ABHD6: variants seen among roughly 807,000 people sequenced by gnomAD.
ABHD6 encodes the protein monoacylglycerol lipase ABHD6.
In ABHD6, 33 loss-of-function variants were observed where a neutral mutation model predicts 38.8. The ratio of observed to expected loss-of-function variants is 0.85; its 90% confidence interval spans 0.64 to 1.14. The LOEUF (loss-of-function observed/expected upper bound fraction) is 1.14. Among genes scored for constraint, ABHD6 ranks in the 50% most tolerant of loss-of-function variants. The pLI is 0.00. For synonymous variants in ABHD6, 147 were observed against 161.6 expected, an observed-to-expected ratio of 0.91 and a Z score of 0.69; for missense variants, 380 against 422.6, an observed-to-expected ratio of 0.90 and a Z score of 0.88.
chr3:58,269,245 G>A lies in ABHD6; in HGVS notation c.277-76G>A. 8.9e-7 allele frequency: 1 copy of A among 1,118,384 alleles called. No homozygotes were observed. Among genetic ancestry groups the A allele is most frequent in the South Asian group, 1.3e-5 (1 of 75,096 alleles). The allele number at this position is 1,118,384 out of a possible 1,614,324, so 69.3% of individuals were successfully genotyped here. A position where few individuals can be genotyped will look rare whatever the true frequency, so the allele number is the denominator to read the frequency against. ...GATGGCTGTCTGGGTCACTGTACAT[G>A]GGGCAACCTCCCAAGAAAATGGGCA... On this transcript the variant is annotated intron_variant, in intron 4 of 9. Transcript: ENST00000478253. This position sits in a 1 kb window ranked among gnomAD's most constrained non-coding sequence, Gnocchi z 4.4.
At chr3:58,288,685 T>G (rs2097459281) in intron 9 of ABHD6, among the ~76,000 whole-genome samples, 2 of 152,192 alleles carry the variant, frequency 1.3e-5, no homozygotes, top group African/African-American at 4.8e-5. Flanking sequence ...AACACTGTAT[T>G]AGGCCCTGAG....
intron 9 of ABHD6, among the ~76,000 whole-genome samples, chr3:58,291,375 AGGGAGAGGGAGACCGTG>A (rs2097462816): frequency 6.6e-6 from 1 of 151,744 alleles, no homozygotes; most frequent in African/African-American, 2.4e-5. Context: ...CTGGAAAGAG[AGGGAGAGGGAGACCGTG>A]GGGAGAGGGA....
intron 7 of ABHD6, among the ~76,000 whole-genome samples, chr3:58,283,066 A>G (rs1554123): frequency 0.56 from 84,963 of 152,124 alleles, 26,358 homozygotes; most frequent in African/African-American, 0.84. Context: ...CCCTGCCTGG[A>G]GGTGGGCAGG....
rs1334570976 is a variant in ABHD6, at chr3:58,263,585, G to C, written c.120-3604G>C. ...TTCCAACCCTGTGTCTCTTCATTCTGGTTCAAGTCATACTTGGCTCTCCCC... is the reference window on the plus strand; with the variant it reads ...TTCCAACCCTGTGTCTCTTCATTCTCGTTCAAGTCATACTTGGCTCTCCCC... On this transcript the variant is annotated intron_variant, in intron 3 of 9. Transcript: ENST00000478253. The surrounding 1 kb of genome is among the most constrained non-coding windows in gnomAD (Gnocchi z 4.9). Among the ~76,000 whole-genome samples the C allele has an allele frequency of 6.6e-6, 1 of 152,180 alleles. No individual in the cohort carries two copies. The highest frequency in any genetic ancestry group is 2.4e-5 in the African/African-American group (1 of 41,424).
In ABHD6 at chr3:58,269,257, C is replaced by A; in HGVS notation, c.277-64C>A. ...GGTCACTGTACATGGGGCAACCTCC[C>A]AAGAAAATGGGCAGACATGTTTTGC... On this transcript the variant is annotated intron_variant, in intron 4 of 9. Transcript: ENST00000478253. This position sits in a 1 kb window ranked among gnomAD's most constrained non-coding sequence, Gnocchi z 4.4. 7.5e-7 allele frequency: 1 copy of A among 1,325,720 alleles called. No homozygotes were observed. Among genetic ancestry groups the A allele is most frequent in the Non-Finnish European group, 1.1e-6 (1 of 929,742 alleles). 82.1% of individuals were successfully genotyped at this position (1,325,720 alleles called of 1,614,324 possible). A position where few individuals can be genotyped will look rare whatever the true frequency, so the allele number is the denominator to read the frequency against.
chr3:58,276,753 A>T (rs1272522094), intron 7 of ABHD6, among the ~76,000 whole-genome samples: 1 of 152,192 alleles, frequency 6.6e-6, no homozygotes, highest in East Asian at 1.9e-4. Context: ...TTTAGGTCTA[A>T]CATTTAAGTC....
Position 58,269,223 on chromosome 3 carries a change from G to A in ABHD6, c.277-98G>A, listed in dbSNP as rs2097443068. ...CCAAGACCCATACATCCCCAGGGATGGCTGTCTGGGTCACTGTACATGGGG... is the reference window on the plus strand; with the variant it reads ...CCAAGACCCATACATCCCCAGGGATAGCTGTCTGGGTCACTGTACATGGGG... On this transcript the variant is annotated intron_variant, in intron 4 of 9. Coordinates refer to ENST00000478253, the MANE Select transcript of ABHD6 (RefSeq NM_001320126.2). The surrounding 1 kb of genome is among the most constrained non-coding windows in gnomAD (Gnocchi z 4.4). The A allele has an allele frequency of 6.4e-6, 5 of 787,342 alleles. No homozygotes were observed. The highest frequency in any genetic ancestry group is 1.7e-5 in the African/African-American group (1 of 58,962). The allele number at this position is 787,342 out of a possible 1,614,324, so 48.8% of individuals were successfully genotyped here.
At position 58,247,983 on chromosome 3, in the gene ABHD6, T is replaced by C. The variant is rs1575513572; in HGVS notation, c.-90-1895T>C. ...CTGTCCCCAGCCCTGCAGTTTCCCT[T>C]CCCAGTGCTAACCATAATCATGGCC... is the stretch of plus-strand genomic sequence containing the variant. On this transcript the variant is annotated intron_variant, in intron 1 of 9. Transcript: ENST00000478253. Among the ~76,000 whole-genome samples the C allele has an allele frequency of 2.6e-5, 4 of 152,336 alleles. No homozygotes were observed. In the South Asian group the frequency reaches 8.3e-4, roughly 32 times the overall value.
At chr3:58,262,172 G>C (rs2097437453) in intron 3 of ABHD6, among the ~76,000 whole-genome samples, 1 of 152,166 alleles carries the variant, frequency 6.6e-6, no homozygotes, top group African/African-American at 2.4e-5. Flanking sequence ...GTTGCTAGGG[G>C]ACTGGGGGAA....
chr3:58,253,538 C>T (rs778814529), intron 2 of ABHD6, among the ~76,000 whole-genome samples: 7 of 152,112 alleles, frequency 4.6e-5, no homozygotes, highest in Non-Finnish European at 7.4e-5. Flanking sequence ...TTGTAATTAC[C>T]GAAAGAGGAA....
At chr3:58,241,097 G>A (rs758185582) in intron 1 of ABHD6, among the ~76,000 whole-genome samples, 3 of 152,084 alleles carry the variant, frequency 2.0e-5, no homozygotes, top group Non-Finnish European at 4.4e-5. Context: ...ACATCAAGTG[G>A]GTAGAGGCCA....
intron 1 of ABHD6, among the ~76,000 whole-genome samples, chr3:58,246,072 A>C (rs1044682049): frequency 6.6e-6 from 1 of 152,206 alleles, no homozygotes; most frequent in African/African-American, 2.4e-5. Flanking sequence ...GGCTGATGAC[A>C]GTTACATGTA....
chr3:58,268,925 G>A (rs912142327), intron 4 of ABHD6, among the ~76,000 whole-genome samples: 4 of 152,172 alleles, frequency 2.6e-5, no homozygotes, highest in African/African-American at 9.7e-5. Flanking sequence ...GAGCTGGCTA[G>A]GATATGAGAG....
At chr3:58,260,364 G>T (rs75456606) in intron 3 of ABHD6, among the ~76,000 whole-genome samples, 17,585 of 152,138 alleles carry the variant, frequency 0.12, 1,290 homozygotes, top group African/African-American at 0.2. Context: ...CAGCTGGTTT[G>T]GGAAGATGAA....
intron 3 of ABHD6, among the ~76,000 whole-genome samples, chr3:58,264,422 CACACACACACACACACACACACATAT>C (rs2097439418): frequency 7.2e-6 from 1 of 139,276 alleles, no homozygotes; most frequent in Admixed American, 7.0e-5. Context: ...CACACACACA[CACACACACACACACACACACACATAT>C]GCCAGGTGCA....
At chr3:58,280,122 T>C (rs2107466752) in intron 7 of ABHD6, among the ~76,000 whole-genome samples, 1 of 152,296 alleles carries the variant, frequency 6.6e-6, no homozygotes, top group Admixed American at 6.5e-5. Flanking sequence ...TTTCCTGAAT[T>C]TGAATGTTGG....
intron 9 of ABHD6, among the ~76,000 whole-genome samples, chr3:58,291,848 A>C (rs971787493): frequency 2.6e-5 from 4 of 152,158 alleles, no homozygotes; most frequent in African/African-American, 9.7e-5. Flanking sequence ...CCTGGGGGGC[A>C]CTGAGGTGGG....
chr3:58,253,695 T>C (rs546691979), intron 2 of ABHD6, among the ~76,000 whole-genome samples: 1 of 152,344 alleles, frequency 6.6e-6, no homozygotes, highest in Non-Finnish European at 1.5e-5. Context: ...AGGAAGAACA[T>C]ACATGATTGT....
At chr3:58,260,194 C>G (rs2097436036) in intron 3 of ABHD6, among the ~76,000 whole-genome samples, 1 of 152,156 alleles carries the variant, frequency 6.6e-6, no homozygotes, top group East Asian at 1.9e-4. Context: ...CCAGAGAAGC[C>G]CCACAGTGCA....
Sources: gnomAD v4.1 joint callset for allele counts (sites outside exome capture counted in the v4.1 genomes callset) on GRCh38, gnomAD v4.1.1 for gene constraint, Gnocchi (gnomAD v3.1) non-coding constraint, MANE v1.5 for transcripts, NCBI Gene and HGNC (gene_info 2026-07-23, HGNC 2026-07-21) for gene names.